GPC3: variants seen among roughly 807,000 people sequenced by gnomAD.
GPC3 encodes glypican-3.
In GPC3, 3 loss-of-function variants were observed where a neutral mutation model predicts 34.4. The ratio of observed to expected loss-of-function variants is 0.09; its 90% confidence interval spans 0.04 to 0.23. The LOEUF (loss-of-function observed/expected upper bound fraction) is 0.23, where lower values mean the gene tolerates loss of function less well. Ranked by LOEUF, GPC3 falls within the 10% of genes least tolerant of loss-of-function variation. The probability of loss-of-function intolerance (pLI) is 1.00; values close to 1 mark genes in which losing one functional copy is unlikely to be tolerated. For synonymous variants in GPC3, 177 were observed against 174.0 expected, an observed-to-expected ratio of 1.02 and a Z score of -0.13; for missense variants, 351 against 445.6, an observed-to-expected ratio of 0.79 and a Z score of 1.91.
At chrX:133,763,698 A>G (rs1191913977) in intron 2 of GPC3, 2 of 523,018 alleles carry the variant, frequency 3.8e-6, no homozygotes, top group African/African-American at 4.6e-5. Flanking sequence ...TTCTTATATC[A>G]GCTCTTAAGC....
chrX:133,582,848 A>T (rs1253671207), intron 7 of GPC3, among the ~76,000 whole-genome samples: 1 of 110,880 alleles, frequency 9.0e-6, no homozygotes, highest in Non-Finnish European at 1.9e-5. Flanking sequence ...CTTAATATTG[A>T]CAATACAGCA....
intron 2 of GPC3, among the ~76,000 whole-genome samples, chrX:133,843,009 T>C (rs1402885857): frequency 9.0e-6 from 1 of 111,380 alleles, no homozygotes; most frequent in Non-Finnish European, 1.9e-5. Flanking sequence ...GTTGCCAGGC[T>C]ATAAGGATAT....
intron 6 of GPC3, 56 bp from the exon 7 acceptor site, chrX:133,596,655 C>T: frequency 9.2e-7 from 1 of 1,091,714 alleles, no homozygotes; most frequent in Non-Finnish European, 1.3e-6. Context: ...GGTGGGTCTG[C>T]ACAGTGTGTT....
At chrX:133,816,410 C>T (rs759026236) in intron 2 of GPC3, among the ~76,000 whole-genome samples, 3 of 111,481 alleles carry the variant, frequency 2.7e-5, no homozygotes, top group South Asian at 3.8e-4. Flanking sequence ...GCTTGTTCTT[C>T]GTCTCATTCA....
intron 1 of GPC3, among the ~76,000 whole-genome samples, chrX:133,978,869 A>G (rs1187282227): frequency 8.9e-6 from 1 of 112,014 alleles, no homozygotes; most frequent in Non-Finnish European, 1.9e-5. Context: ...CATGAACTTC[A>G]AAGTTGCCAT....
At chrX:133,895,347 T>A in intron 2 of GPC3, among the ~76,000 whole-genome samples, 1 of 111,645 alleles carries the variant, frequency 9.0e-6, no homozygotes, top group Non-Finnish European at 1.9e-5. Flanking sequence ...CCAAAATTAG[T>A]TTATTGTTAC....
intron 3 of GPC3, among the ~76,000 whole-genome samples, chrX:133,746,732 G>C (rs1208340375): frequency 8.9e-6 from 1 of 112,290 alleles, no homozygotes; most frequent in Non-Finnish European, 1.9e-5. Context: ...ATTAGGTAGT[G>C]AGCCATTTAC....
intron 6 of GPC3, among the ~76,000 whole-genome samples, chrX:133,659,046 T>C (rs996152431): frequency 1.8e-5 from 2 of 112,332 alleles, no homozygotes; most frequent in African/African-American, 3.2e-5. Flanking sequence ...TCCTCACAAC[T>C]AACTGCCATA....
intron 3 of GPC3, among the ~76,000 whole-genome samples, chrX:133,709,239 T>C (rs1255711796): frequency 8.9e-6 from 1 of 111,945 alleles, no homozygotes; most frequent in African/African-American, 3.2e-5. Context: ...TCTTGGATCA[T>C]TGATGGATTC....
At chrX:133,771,564 C>T (rs1043866051) in intron 2 of GPC3, among the ~76,000 whole-genome samples, 5 of 111,888 alleles carry the variant, frequency 4.5e-5, no homozygotes, top group Non-Finnish European at 7.5e-5. Flanking sequence ...GTGAAGTTGA[C>T]ATCACTGAAA....
At chrX:133,743,508 G>A (rs755844049) in intron 3 of GPC3, among the ~76,000 whole-genome samples, 1 of 112,577 alleles carries the variant, frequency 8.9e-6, no homozygotes, top group East Asian at 2.8e-4. Context: ...AGTGAGCCAA[G>A]GTTACTTGTG....
chrX:133,957,531 A>G (rs901904218), intron 1 of GPC3, among the ~76,000 whole-genome samples: 1 of 112,493 alleles, frequency 8.9e-6, no homozygotes, highest in Admixed American at 9.4e-5. Context: ...AAAAGAATTT[A>G]GAGGGAATTC....
intron 2 of GPC3, among the ~76,000 whole-genome samples, chrX:133,908,904 G>A (rs149433291): frequency 2.9e-3 from 325 of 111,759 alleles, no homozygotes; most frequent in African/African-American, 9.7e-3. Context: ...GTTAACTTTC[G>A]TCTTGTAAGT....
Position 133,776,883 on chromosome X carries a change from T to TTC in GPC3, c.338-22708_338-22707insGA, listed in dbSNP as rs1451160259. The stretch of plus-strand genomic sequence containing the variant: ...GTAGTCACGTCCTTTCTTTTCTTTT[T>TTC]TTTTTTTTTTTTTTGAGATGGAGTC... On this transcript the variant is annotated intron_variant, in intron 2 of 7. Coordinates refer to ENST00000370818, the MANE Select transcript of GPC3 (RefSeq NM_004484.4). 2.5e-3 allele frequency among the ~76,000 whole-genome samples: 233 copies of TTC among 93,367 alleles called. 2 individuals carry two copies. The highest frequency in any genetic ancestry group is 4.2e-3 in the Non-Finnish European group (194 of 46,208). The allele number at this position is 93,367 out of a possible 115,157, so 81.1% of individuals were successfully genotyped here.
At chrX:133,949,646 C>A (rs2076383672) in intron 2 of GPC3, among the ~76,000 whole-genome samples, 2 of 111,942 alleles carry the variant, frequency 1.8e-5, no homozygotes, top group Non-Finnish European at 1.9e-5. Context: ...CTAGAATTAT[C>A]CAACATCTAG....
At chrX:133,927,705 T>C (rs943633881) in intron 2 of GPC3, among the ~76,000 whole-genome samples, 3 of 109,484 alleles carry the variant, frequency 2.7e-5, no homozygotes, top group Non-Finnish European at 5.7e-5. Context: ...CTCGAACTTC[T>C]GACCTCAAGC....
intron 4 of GPC3, among the ~76,000 whole-genome samples, chrX:133,695,289 G>GTACA (rs1273098325): frequency 1.8e-5 from 2 of 112,040 alleles, no homozygotes; most frequent in African/African-American, 3.2e-5. Flanking sequence ...TAGCTAAAGG[G>GTACA]TACAGAGTTT....
At chrX:133,643,884 G>A (rs1166626250) in intron 6 of GPC3, among the ~76,000 whole-genome samples, 1 of 105,702 alleles carries the variant, frequency 9.5e-6, no homozygotes, top group Admixed American at 1.0e-4. Context: ...CTGGAGTGCA[G>A]TGGCGCGATC....
intron 2 of GPC3, among the ~76,000 whole-genome samples, chrX:133,848,595 G>C (rs2075857153): frequency 8.9e-6 from 1 of 112,053 alleles, no homozygotes; most frequent in Admixed American, 9.5e-5. Context: ...AGCATTTCTA[G>C]TGACACTGAT....
Sources: gnomAD v4.1 joint callset for allele counts (sites outside exome capture counted in the v4.1 genomes callset) on GRCh38, gnomAD v4.1.1 for gene constraint, MANE v1.5 for transcripts, NCBI Gene and HGNC (gene_info 2026-07-23, HGNC 2026-07-21) for gene names.